UBXN7: variants seen among roughly 807,000 people sequenced by gnomAD.
The protein encoded by UBXN7 is UBX domain-containing protein 7.
UBXN7 carries 9 observed loss-of-function variants against 58.0 expected under a neutral mutation model. That is an observed-to-expected ratio of 0.16 (90% CI 0.09 to 0.27). The LOEUF is 0.27. Among genes scored for constraint, UBXN7 ranks in the 10% least tolerant of loss-of-function variants. The probability of loss-of-function intolerance (pLI) is 1.00; values close to 1 mark genes in which losing one functional copy is unlikely to be tolerated. For synonymous variants in UBXN7, 208 were observed against 205.0 expected (o/e 1.01, Z -0.12); for missense variants, 328 against 599.6 (o/e 0.55, Z 4.73).
At chr3:196,376,891 C>T (rs946161877) in intron 5 of UBXN7, among the ~76,000 whole-genome samples, 1 of 151,440 alleles carries the variant, frequency 6.6e-6, no homozygotes, top group South Asian at 2.1e-4. Flanking sequence ...ACAAAAAATA[C>T]AAAATTTAGC....
rs770841579 is a variant in UBXN7, at chr3:196,372,032, C to T, written c.479G>A (p.Cys160Tyr). 13 of 1,607,248 alleles carry T rather than the reference C, an allele frequency of 8.1e-6. No individual in the cohort carries two copies. The Admixed American group carries it at 2.2e-4, about 28-fold the overall frequency. ...CAGCCACTTATTTTGCATCTGGCCA[C>T]ACTCTTTGGCCTGCAAGAGTAAAGT... ...HKGSFETAKE[C>Y]GQMQNKWLMI... Residue 160 changes from cysteine (C) to tyrosine (Y), a missense_variant, in exon 6 of 11, where the codon TGT (cysteine) becomes TAT (tyrosine). This residue lies in a region of UBXN7 where 126 missense variants were observed against 302.6 expected (regional missense o/e 0.42). Coordinates refer to ENST00000296328, the MANE Select transcript of UBXN7 (RefSeq NM_015562.2).
chr3:196,425,382 T>TAAA (rs555731749), intron 1 of UBXN7, among the ~76,000 whole-genome samples: 2 of 141,112 alleles, frequency 1.4e-5, no homozygotes, highest in East Asian at 4.1e-4. Flanking sequence ...ACTCTTTCTT[T>TAAA]AAAAAAAAAA....
chr3:196,354,168 A>G lies in UBXN7; in HGVS notation c.*2517T>C, dbSNP rs1577426734. 6.6e-6 allele frequency: 1 copy of G among 152,152 alleles called. No individual in the cohort carries two copies. Among genetic ancestry groups the G allele is most frequent in the Non-Finnish European group, 1.5e-5 (1 of 68,034 alleles). 9.4% of individuals were successfully genotyped at this position (152,152 alleles called of 1,614,324 possible). On this transcript the variant is annotated 3_prime_UTR_variant, in exon 11 of 11. Coordinates refer to ENST00000296328, the MANE Select transcript of UBXN7 (RefSeq NM_015562.2). Reference sequence around the variant, plus strand: ...CTGCCTCAAAATAAAATAAAATAAAACCCACCACATCTTGTATTGTAGACA... The same window carrying G: ...CTGCCTCAAAATAAAATAAAATAAAGCCCACCACATCTTGTATTGTAGACA...
At chr3:196,366,607 A>G (rs935527547) in intron 8 of UBXN7, among the ~76,000 whole-genome samples, 1 of 152,092 alleles carries the variant, frequency 6.6e-6, no homozygotes, top group Non-Finnish European at 1.5e-5. Flanking sequence ...TACAATAAAA[A>G]TGTTGCTAGG....
At chr3:196,397,388 C>G (rs1388233695) in intron 3 of UBXN7, 1 of 152,214 alleles carries the variant, frequency 6.6e-6, no homozygotes, top group Admixed American at 6.5e-5. Context: ...ATCTTCAGAT[C>G]TGCTTCTGCA....
intron 10 of UBXN7, among the ~76,000 whole-genome samples, chr3:196,360,089 G>A (rs148926988): frequency 3.3e-5 from 5 of 152,302 alleles, no homozygotes; most frequent in Non-Finnish European, 5.9e-5. Flanking sequence ...AGGAAGCTAC[G>A]AAAGAAAAGC....
At chr3:196,393,089 C>T (rs987793788) in intron 4 of UBXN7, among the ~76,000 whole-genome samples, 4 of 152,188 alleles carry the variant, frequency 2.6e-5, no homozygotes, top group Non-Finnish European at 4.4e-5. Flanking sequence ...AAGCATAAGA[C>T]CAAGATTCTC....
chr3:196,423,022 TTACA>T (rs1730735782), intron 1 of UBXN7, among the ~76,000 whole-genome samples: 1 of 152,230 alleles, frequency 6.6e-6, no homozygotes, highest in African/African-American at 2.4e-5. Flanking sequence ...GTGATTACAC[TTACA>T]TGACATTCTG....
chr3:196,411,127 T>C (rs1730311041), intron 1 of UBXN7, among the ~76,000 whole-genome samples: 1 of 152,202 alleles, frequency 6.6e-6, no homozygotes, highest in East Asian at 1.9e-4. Context: ...ATTATATCCA[T>C]GGATATACTA....
chr3:196,361,833 C>G lies in UBXN7; in HGVS notation c.1308+11G>C. ...GTGGTCGGAACTGAACCAAAGCAAG[C>G]CTGTACTTACTAGCAGTTTAGCTTG... On this transcript the variant is annotated intron_variant, in intron 10 of 10. Transcript: ENST00000296328. 1 of 1,612,922 alleles carries G rather than the reference C, an allele frequency of 6.2e-7. No individual in the cohort carries two copies. The highest frequency in any genetic ancestry group is 8.5e-7 in the Non-Finnish European group (1 of 1,179,494).
chr3:196,366,718 C>T (rs1266113644), intron 8 of UBXN7, among the ~76,000 whole-genome samples: 3 of 151,910 alleles, frequency 2.0e-5, no homozygotes, highest in Non-Finnish European at 2.9e-5. Flanking sequence ...CGGAGGCCTC[C>T]GTCTCTACAA....
At position 196,356,091 on chromosome 3, in the gene UBXN7, G is replaced by T. The variant is rs1024454867; in HGVS notation, c.*594C>A. 1.3e-5 allele frequency: 2 copies of T among 152,602 alleles called. No homozygotes were observed. The highest frequency in any genetic ancestry group is 2.9e-5 in the Non-Finnish European group (2 of 68,042). The allele number at this position is 152,602 out of a possible 1,614,324, so 9.5% of individuals were successfully genotyped here. ...GGAACATGAAAATCCTTTGAAAAAG[G>T]TTTTTAAGTATGATGAGCAATCATT... On this transcript the variant is annotated 3_prime_UTR_variant, in exon 11 of 11. Coordinates refer to ENST00000296328, the MANE Select transcript of UBXN7 (RefSeq NM_015562.2).
intron 5 of UBXN7, among the ~76,000 whole-genome samples, chr3:196,387,549 G>T (rs1460363417): frequency 1.3e-5 from 2 of 152,084 alleles, no homozygotes; most frequent in East Asian, 3.8e-4. Flanking sequence ...TCTGACAAAA[G>T]GCTAATATCC....
chr3:196,385,137 G>C (rs1423909553), intron 5 of UBXN7, among the ~76,000 whole-genome samples: 1 of 152,186 alleles, frequency 6.6e-6, no homozygotes, highest in Non-Finnish European at 1.5e-5. Context: ...CGAGTGCCTG[G>C]GATTGCAGGC....
chr3:196,369,405 C>T lies in UBXN7; in HGVS notation c.706+16G>A, dbSNP rs747567559. The T allele has an allele frequency of 2.5e-6, 4 of 1,572,790 alleles. No homozygotes were observed. Among genetic ancestry groups the T allele is most frequent in the Non-Finnish European group, 2.6e-6 (3 of 1,145,402 alleles). The stretch of plus-strand genomic sequence containing the variant: ...CAAGTAATAGGTTAAAAGCTGCGTG[C>T]TGATATAAATCTTACCTGTCCGTGG... On this transcript the variant is annotated intron_variant, in intron 7 of 10. Coordinates refer to ENST00000296328, the MANE Select transcript of UBXN7 (RefSeq NM_015562.2).
chr3:196,364,226 T>C (rs1208346028), intron 8 of UBXN7, among the ~76,000 whole-genome samples: 1 of 152,166 alleles, frequency 6.6e-6, no homozygotes. Flanking sequence ...GTTGTTTGAG[T>C]GGAACTTACT....
chr3:196,432,016 C>T (rs1407353106), intron 1 of UBXN7: 2 of 531,348 alleles, frequency 3.8e-6, no homozygotes, highest in Non-Finnish European at 6.9e-6. Context: ...CTACTCCTCC[C>T]GCCCCCGGGT....
chr3:196,402,149 T>C (rs1002640773), intron 3 of UBXN7, among the ~76,000 whole-genome samples: 2 of 152,124 alleles, frequency 1.3e-5, no homozygotes, highest in Non-Finnish European at 2.9e-5. Flanking sequence ...GCCTCCTAAG[T>C]AGCTGGGATT....
chr3:196,426,257 G>T (rs1177086319), intron 1 of UBXN7, among the ~76,000 whole-genome samples: 1 of 151,654 alleles, frequency 6.6e-6, no homozygotes, highest in African/African-American at 2.4e-5. Flanking sequence ...GTCGTGACGC[G>T]CATCTGTGGT....
Sources: gnomAD v4.1 joint callset for allele counts (sites outside exome capture counted in the v4.1 genomes callset) on GRCh38, gnomAD v4.1.1 for gene constraint, gnomAD v4.1.1 regional missense constraint, MANE v1.5 for transcripts, NCBI Gene and HGNC (gene_info 2026-07-23, HGNC 2026-07-21) for gene names.